The following FGF12 variants were observed in gnomAD, a reference collection of about 807,000 sequenced individuals.
FGF12 encodes the protein fibroblast growth factor 12B.
A neutral mutation model predicts 23.6 loss-of-function variants in FGF12; 14 were observed. The ratio of observed to expected loss-of-function variants is 0.59; its 90% CI spans 0.39 to 0.93. FGF12 has a LOEUF of 0.93. FGF12 is among the 40% of genes least tolerant of loss of function. The probability of loss-of-function intolerance (pLI) is 0.00; values close to 1 mark genes in which losing one functional copy is unlikely to be tolerated. For synonymous variants in FGF12, 62 were observed against 77.3 expected (o/e 0.80, Z 1.04); for missense variants, 175 against 217.8 (o/e 0.80, Z 1.24).
intron 4 of FGF12, among the ~76,000 whole-genome samples, chr3:192,235,868 T>A (rs1719267744): frequency 6.6e-6 from 1 of 152,202 alleles, no homozygotes; most frequent in African/African-American, 2.4e-5. Context: ...TCAGTTCATC[T>A]CTGATTTTGG....
intron 2 of FGF12, among the ~76,000 whole-genome samples, chr3:192,681,220 A>G (rs1460611629): frequency 6.6e-6 from 1 of 152,234 alleles, no homozygotes; most frequent in Non-Finnish European, 1.5e-5. Context: ...GAACTGAGAC[A>G]GCAGAACCAA....
chr3:192,665,457 G>T (rs924683354), intron 2 of FGF12, among the ~76,000 whole-genome samples: 3 of 152,174 alleles, frequency 2.0e-5, no homozygotes, highest in African/African-American at 4.8e-5. Flanking sequence ...CATATCCTTT[G>T]CAGGGACATG....
At chr3:192,171,729 T>C (rs1038625319) in intron 4 of FGF12, among the ~76,000 whole-genome samples, 1 of 152,210 alleles carries the variant, frequency 6.6e-6, no homozygotes, top group Non-Finnish European at 1.5e-5. Context: ...ACTGGAAGAA[T>C]TTCAGTGTGA....
intron 2 of FGF12, among the ~76,000 whole-genome samples, chr3:192,525,361 G>C (rs1405774768): frequency 6.6e-6 from 1 of 152,106 alleles, no homozygotes; most frequent in African/African-American, 2.4e-5. Context: ...ATATTTTAAT[G>C]AGCAACTACA....
chr3:192,609,778 T>C (rs944358671), intron 2 of FGF12, among the ~76,000 whole-genome samples: 6 of 152,118 alleles, frequency 3.9e-5, no homozygotes, highest in African/African-American at 1.4e-4. Context: ...CTGTATTTTA[T>C]ACCCCTTTTA....
intron 2 of FGF12, among the ~76,000 whole-genome samples, chr3:192,659,135 T>C (rs895539219): frequency 6.6e-6 from 1 of 152,306 alleles, no homozygotes; most frequent in East Asian, 1.9e-4. Flanking sequence ...ATGGACATCA[T>C]CTATTCTAAA....
At chr3:192,511,910 A>T (rs910559623) in intron 2 of FGF12, among the ~76,000 whole-genome samples, 2 of 152,192 alleles carry the variant, frequency 1.3e-5, no homozygotes, top group African/African-American at 4.8e-5. Flanking sequence ...CCGGAGCAAT[A>T]ATATATTTTA....
intron 2 of FGF12, among the ~76,000 whole-genome samples, chr3:192,504,318 T>TAC (rs1434290034): frequency 6.6e-6 from 1 of 152,120 alleles, no homozygotes; most frequent in Non-Finnish European, 1.5e-5. Flanking sequence ...AACAAACCTG[T>TAC]ACATGTACCC....
At position 192,361,479 on chromosome 3, in the gene FGF12, T is replaced by C. The variant is rs374514363; in HGVS notation, c.14-941A>G. ...AAAATGAGGAGAAAAAGAAAAATGC[T>C]GCTTCTGGTGATAAAAATGGAGGCA... On this transcript the variant is annotated intron_variant, in intron 2 of 5. Transcript: ENST00000445105. Among the ~76,000 whole-genome samples the C allele has an allele frequency of 2.6e-5, 4 of 152,300 alleles. No homozygotes were observed. The East Asian group carries it at 7.7e-4, about 29-fold the overall frequency.
chr3:192,317,927 G>A (rs1057081080), intron 4 of FGF12, among the ~76,000 whole-genome samples: 18 of 152,234 alleles, frequency 1.2e-4, no homozygotes, highest in Non-Finnish European at 2.2e-4. Context: ...GTAAGAGAAA[G>A]GAACAAGGGT....
chr3:192,537,950 C>CTTTTTTTTTTTT (rs370317111), intron 2 of FGF12, among the ~76,000 whole-genome samples: 1 of 121,364 alleles, frequency 8.2e-6, no homozygotes, highest in Non-Finnish European at 1.8e-5. Context: ...AGCCTTTAAC[C>CTTTTTTTTTTTT]TTTTTTTTTT....
chr3:192,376,118 CAGGACTCCATTGAA>C (rs1160096846), intron 2 of FGF12, among the ~76,000 whole-genome samples: 71 of 152,038 alleles, frequency 4.7e-4, no homozygotes, highest in African/African-American at 1.7e-3. Context: ...TCTTCTTTCC[CAGGACTCCATTGAA>C]ATGCATGTTG....
intron 2 of FGF12, chr3:192,407,957 G>T: frequency 6.8e-7 from 1 of 1,480,486 alleles, no homozygotes; most frequent in Non-Finnish European, 9.0e-7. Context: ...CGGGGGTCCC[G>T]AGGTGCTTTG....
At chr3:192,626,237 T>C (rs930200308) in intron 2 of FGF12, among the ~76,000 whole-genome samples, 8 of 152,240 alleles carry the variant, frequency 5.3e-5, no homozygotes, top group African/African-American at 1.9e-4. Flanking sequence ...AATTAGCATA[T>C]GTTATTTATT....
At chr3:192,181,625 ATTTGT>A (rs1222190377) in intron 4 of FGF12, among the ~76,000 whole-genome samples, 1 of 144,728 alleles carries the variant, frequency 6.9e-6, no homozygotes, top group African/African-American at 2.6e-5. Flanking sequence ...AAGAGAAGTA[ATTTGT>A]TTTTTTTTTT....
chr3:192,605,706 C>A (rs1487920828), intron 2 of FGF12, among the ~76,000 whole-genome samples: 1 of 151,938 alleles, frequency 6.6e-6, no homozygotes, highest in South Asian at 2.1e-4. Flanking sequence ...AATACAGATG[C>A]AAAAGACATG....
intron 4 of FGF12, among the ~76,000 whole-genome samples, chr3:192,332,013 G>C (rs762005108): frequency 6.6e-6 from 1 of 152,050 alleles, no homozygotes; most frequent in Non-Finnish European, 1.5e-5. Flanking sequence ...GTTTAGTTTA[G>C]AAGAAAAGTG....
chr3:192,544,245 G>C (rs972695257), intron 2 of FGF12, among the ~76,000 whole-genome samples: 8 of 152,112 alleles, frequency 5.3e-5, no homozygotes, highest in Non-Finnish European at 8.8e-5. Context: ...CAGAACTGCT[G>C]CTGGGGGGAG....
At chr3:192,272,631 T>G (rs1713519704) in intron 4 of FGF12, among the ~76,000 whole-genome samples, 1 of 152,102 alleles carries the variant, frequency 6.6e-6, no homozygotes, top group Non-Finnish European at 1.5e-5. Flanking sequence ...AAGAAGAAAC[T>G]GCAAAGGGAT....
Sources: gnomAD v4.1 joint callset for allele counts (sites outside exome capture counted in the v4.1 genomes callset) on GRCh38, gnomAD v4.1.1 for gene constraint, MANE v1.5 for transcripts, NCBI Gene and HGNC (gene_info 2026-07-23, HGNC 2026-07-21) for gene names.